Variants in PC observed in about 807,000 individuals in gnomAD.
PC encodes the protein pyruvate carboxylase, mitochondrial.
PC carries 46 observed loss-of-function variants against 107.8 expected under a neutral mutation model. The ratio of observed to expected loss-of-function variants is 0.43; its 90% CI spans 0.34 to 0.55. PC has a LOEUF of 0.55. Ranked by LOEUF, PC falls within the 20% of genes least tolerant of loss-of-function variation. The pLI, the probability that PC is intolerant of heterozygous loss-of-function variation, is 0.04. For missense variants in PC, 1,241 were observed against 1,643.1 expected (o/e 0.76, Z 4.23); for synonymous variants, 662 against 684.7 (o/e 0.97, Z 0.52).
At chr11:66,952,018 C>G (rs548727140) in intron 3 of PC, among the ~76,000 whole-genome samples, 2 of 152,340 alleles carry the variant, frequency 1.3e-5, no homozygotes, top group East Asian at 3.9e-4. Flanking sequence ...GCGTCACCCT[C>G]TGGAAACCCG....
At chr11:66,896,203 C>T (rs960186719) in intron 3 of PC, among the ~76,000 whole-genome samples, 2 of 152,162 alleles carry the variant, frequency 1.3e-5, no homozygotes, top group African/African-American at 2.4e-5. Context: ...CTCAGCCTCT[C>T]GAGTAGCTGG....
At chr11:66,850,602 T>C in intron 18 of PC, 72 bp downstream of exon 18, 1 of 1,601,258 alleles carries the variant, frequency 6.2e-7, no homozygotes, top group Non-Finnish European at 8.5e-7. Flanking sequence ...CCTAGGCAGG[T>C]CCAACACTAC....
intron 3 of PC, among the ~76,000 whole-genome samples, chr11:66,889,412 C>T (rs974033556): frequency 6.6e-6 from 1 of 151,996 alleles, no homozygotes; most frequent in Non-Finnish European, 1.5e-5. Flanking sequence ...ACTCTGTCAC[C>T]CAGGCTGGAG....
intron 3 of PC, among the ~76,000 whole-genome samples, chr11:66,930,083 G>A (rs1205452827): frequency 2.6e-5 from 4 of 151,882 alleles, no homozygotes; most frequent in South Asian, 4.2e-4. Context: ...CTCCCTTAAC[G>A]TAACAGTGAA....
rs778918792 is a variant in PC, at chr11:66,866,386, G to T, written c.1023-37C>A. 2.3e-6 allele frequency: 3 copies of T among 1,325,222 alleles called. No individual in the cohort carries two copies. Among genetic ancestry groups the T allele is most frequent in the Non-Finnish European group, 3.2e-6 (3 of 937,270 alleles). The allele number at this position is 1,325,222 out of a possible 1,614,324, so 82.1% of individuals were successfully genotyped here. On this transcript the variant is annotated intron_variant, in intron 10 of 22. Coordinates refer to ENST00000393960, the MANE Select transcript of PC (RefSeq NM_001040716.2). The surrounding 1 kb of genome is among the most constrained non-coding windows in gnomAD (Gnocchi z 5.4). ...TGGGGGGAGGGGGGAAAGGACGGGA[G>T]AAAGGGGGAAACATGAGGCGGGGGA...
chr11:66,884,676 T>C (rs1261755399), intron 3 of PC, among the ~76,000 whole-genome samples: 1 of 152,194 alleles, frequency 6.6e-6, no homozygotes, highest in African/African-American at 2.4e-5. Flanking sequence ...TGTTGAAACC[T>C]TGATCTTGGA....
chr11:66,952,771 G>A (rs901644546), intron 2 of PC, among the ~76,000 whole-genome samples: 3 of 152,140 alleles, frequency 2.0e-5, no homozygotes, highest in Non-Finnish European at 2.9e-5. Flanking sequence ...TCGAACTCCC[G>A]ACCTCAGGTG....
At position 66,848,903 on chromosome 11, in the gene PC, T is replaced by C. The variant is rs1307425056; in HGVS notation, c.3533A>G (p.Glu1178Gly). ...LEGDDLILEI[E>G] is the part of the protein sequence containing the mutation. ...GGCTGCCGGTCTGGGGCAAGATCACTCGATCTCCAGGATGAGGTCGTCACC... is the reference window on the plus strand; with the variant it reads ...GGCTGCCGGTCTGGGGCAAGATCACCCGATCTCCAGGATGAGGTCGTCACC... Residue 1178 changes from glutamate (E) to glycine (G), a missense_variant, in exon 23 of 23, where the codon GAG becomes GGG. Transcript: ENST00000393960. 1.2e-6 allele frequency: 2 copies of C among 1,613,628 alleles called. No individual in the cohort carries two copies. Among genetic ancestry groups the C allele is most frequent in the African/African-American group, 1.3e-5 (1 of 74,908 alleles).
intron 3 of PC, among the ~76,000 whole-genome samples, chr11:66,873,601 A>G (rs1274764783): frequency 7.6e-6 from 1 of 131,740 alleles, no homozygotes; most frequent in African/African-American, 2.9e-5. Context: ...ACGACAACTT[A>G]TATCCCTGAA....
chr11:66,871,353 C>G lies in PC; in HGVS notation c.449G>C (p.Gly150Ala). The change falls in exon 6 of 23, where the codon GGA (glycine) becomes GCA (alanine). Residue 150 changes from glycine to alanine, a missense_variant. By Grantham distance (60) the Gly-to-Ala change is moderately conservative. Around this residue, in one of 2 missense-constraint regions of PC, gnomAD observed 1,143 missense variants for 1,551.9 expected, o/e 0.74. Coordinates refer to ENST00000393960, the MANE Select transcript of PC (RefSeq NM_001040716.2). This position sits in a 1 kb window ranked among gnomAD's most constrained non-coding sequence, Gnocchi z 7.4. ...GATGGCCCGGGCCTCCACCTTGTCT[C>G]CCATCTTGCGGACCACTTCTGGGCT... Reference protein sequence around the residue: ...GPSPEVVRKMGDKVEARAIAI... With the variant: ...GPSPEVVRKMADKVEARAIAI... 1 of 1,613,934 alleles carries G rather than the reference C, an allele frequency of 6.2e-7. No individual in the cohort carries two copies. The highest frequency in any genetic ancestry group is 8.5e-7 in the Non-Finnish European group (1 of 1,180,032).
Position 66,866,384 on chromosome 11 carries a change from G to C in PC, c.1023-35C>G. The C allele has an allele frequency of 6.9e-7, 1 of 1,450,596 alleles. No individual in the cohort carries two copies. Among genetic ancestry groups the C allele is most frequent in the Non-Finnish European group, 9.6e-7 (1 of 1,043,842 alleles). The allele number at this position is 1,450,596 out of a possible 1,614,324, so 89.9% of individuals were successfully genotyped here. On this transcript the variant is annotated intron_variant, in intron 10 of 22. Coordinates refer to ENST00000393960, the MANE Select transcript of PC (RefSeq NM_001040716.2). This position sits in a 1 kb window ranked among gnomAD's most constrained non-coding sequence, Gnocchi z 5.4. ...ATTGGGGGGAGGGGGGAAAGGACGG[G>C]AGAAAGGGGGAAACATGAGGCGGGG... is the stretch of plus-strand genomic sequence containing the variant.
intron 9 of PC, 68 bp from the exon 10 acceptor site, chr11:66,869,032 A>G: frequency 8.3e-7 from 1 of 1,207,656 alleles, no homozygotes; most frequent in South Asian, 1.2e-5. Flanking sequence ...TGGACTCAGG[A>G]CAGGGATTCC....
At chr11:66,934,081 C>T (rs1380251740) in intron 3 of PC, among the ~76,000 whole-genome samples, 1 of 152,182 alleles carries the variant, frequency 6.6e-6, no homozygotes, top group African/African-American at 2.4e-5. Context: ...GGGGCATCAC[C>T]CTCTGTCTCA....
chr11:66,945,949 G>A (rs1013984104), intron 3 of PC, among the ~76,000 whole-genome samples: 3 of 151,090 alleles, frequency 2.0e-5, no homozygotes, highest in Admixed American at 6.6e-5. Flanking sequence ...AGCAGGGCGC[G>A]GTGGCGGGCG....
At chr11:66,888,722 T>TA (rs1258254926) in intron 3 of PC, among the ~76,000 whole-genome samples, 1 of 152,236 alleles carries the variant, frequency 6.6e-6, no homozygotes, top group Admixed American at 6.5e-5. Context: ...AATGAAAAGT[T>TA]AATGCCACCA....
Position 66,866,402 on chromosome 11 carries a change from A to T in PC, c.1023-53T>A. ...AGGACGGGAGAAAGGGGGAAACATG[A>T]GGCGGGGGATAGACGAGGGGCACCG... On this transcript the variant is annotated intron_variant, in intron 10 of 22. Transcript: ENST00000393960. The surrounding 1 kb of genome is among the most constrained non-coding windows in gnomAD (Gnocchi z 5.4). 1 of 923,350 alleles carries T rather than the reference A, an allele frequency of 1.1e-6. No individual in the cohort carries two copies. The highest frequency in any genetic ancestry group is 1.6e-6 in the Non-Finnish European group (1 of 623,466). 57.2% of individuals were successfully genotyped at this position (923,350 alleles called of 1,614,324 possible).
At position 66,857,759 on chromosome 11, in the gene PC, C is replaced by CCTG. The variant is rs752774479; in HGVS notation, c.1369-4379_1369-4377dup. The CCTG allele has an allele frequency of 3.8e-6, 6 of 1,592,918 alleles. No individual in the cohort carries two copies. The highest frequency in any genetic ancestry group is 1.3e-5 in the African/African-American group (1 of 74,660). Reference sequence around the variant, plus strand: ...GGGCGCTCACCATGGCCCCGCCGCTCCTGCTGCTGCTGCTGGCCAGTGGAG... The same window carrying CCTG: ...GGGCGCTCACCATGGCCCCGCCGCTCCTGCTGCTGCTGCTGCTGGCCAGTGGAG... On this transcript the variant is annotated intron_variant, in intron 12 of 22. Transcript: ENST00000393960. This position sits in a 1 kb window ranked among gnomAD's most constrained non-coding sequence, Gnocchi z 7.1.
chr11:66,867,249 G>GGTA (rs1946534958), intron 10 of PC, among the ~76,000 whole-genome samples: 1 of 152,150 alleles, frequency 6.6e-6, no homozygotes, highest in African/African-American at 2.4e-5. Context: ...AGCCAGGCCT[G>GGTA]GTAGTGTGTG....
At position 66,860,017 on chromosome 11, in the gene PC, C is replaced by T. The variant is rs201187828; in HGVS notation, c.1368+3757G>A. On this transcript the variant is annotated intron_variant, in intron 12 of 22. Transcript: ENST00000393960. ...AAGGCCCACCCGCCGCGGAGCCCCC[C>T]GCCCCGGCCGCAGCGCAGCTGCTCT... 1.6e-4 allele frequency: 257 copies of T among 1,587,856 alleles called. No homozygotes were observed. The African/African-American group carries it at 2.0e-3, about 12-fold the overall frequency.
Sources: gnomAD v4.1 joint callset for allele counts (sites outside exome capture counted in the v4.1 genomes callset) on GRCh38, gnomAD v4.1.1 for gene constraint, gnomAD v4.1.1 regional missense constraint, Gnocchi (gnomAD v3.1) non-coding constraint, MANE v1.5 for transcripts, NCBI Gene and HGNC (gene_info 2026-07-23, HGNC 2026-07-21) for gene names.